The following UTS2B variants were observed in gnomAD, a reference collection of about 807,000 sequenced individuals.
UTS2B encodes the protein urotensin-2B.
A neutral mutation model predicts 19.2 loss-of-function variants in UTS2B; 21 were observed. That is an observed-to-expected ratio of 1.09 (90% CI 0.78 to 1.58). The LOEUF is 1.58. Ranked by LOEUF, UTS2B falls within the 40% of genes most tolerant of loss-of-function variation. UTS2B has a pLI of 0.00. For missense variants in UTS2B, 138 were observed against 130.3 expected, an observed-to-expected ratio of 1.06 and a Z score of -0.29; for synonymous variants, 57 against 50.2, an observed-to-expected ratio of 1.14 and a Z score of -0.58.
At chr3:191,301,576 G>T (rs376018356) in intron 4 of UTS2B, among the ~76,000 whole-genome samples, 1 of 139,684 alleles carries the variant, frequency 7.2e-6, no homozygotes, top group Non-Finnish European at 1.5e-5. Flanking sequence ...AAGCTCCGCC[G>T]CCTGGGTTCA....
intron 2 of UTS2B, among the ~76,000 whole-genome samples, chr3:191,316,990 G>C (rs1159239527): frequency 6.6e-6 from 1 of 152,258 alleles, no homozygotes; most frequent in African/African-American, 2.4e-5. Flanking sequence ...GGAGCCTCCC[G>C]TTAGTCCCGC....
the UTS2B span, among the ~76,000 whole-genome samples, chr3:191,336,237 C>A: frequency 6.6e-6 from 1 of 151,406 alleles, no homozygotes; most frequent in Admixed American, 6.6e-5. Context: ...AATTGTCAAA[C>A]TGTTTTTCAA....
intron 4 of UTS2B, among the ~76,000 whole-genome samples, chr3:191,300,544 G>C (rs1716970378): frequency 6.6e-6 from 1 of 152,196 alleles, no homozygotes. Flanking sequence ...AAGACTTGGG[G>C]GACTGCTGAG....
chr3:191,344,265 C>T, the UTS2B span, among the ~76,000 whole-genome samples: 1 of 152,140 alleles, frequency 6.6e-6, no homozygotes, highest in East Asian at 1.9e-4. Flanking sequence ...CATACCGTCA[C>T]GTTGTGATTA....
In UTS2B at chr3:191,311,248, T is replaced by C. The variant is rs558605160; in HGVS notation, c.-182+4788A>G. Among the ~76,000 whole-genome samples the C allele has an allele frequency of 2.6e-5, 4 of 152,354 alleles. No individual in the cohort carries two copies. In the East Asian group the frequency reaches 5.8e-4, roughly 22 times the overall value. On this transcript the variant is annotated intron_variant, in intron 3 of 8. Transcript: ENST00000340524. Reference sequence around the variant, plus strand: ...GTCTTTTAATATCACCTAGGAAATGTTGCCTTGTCAAATGGTTACAGGTTT... The same window carrying C: ...GTCTTTTAATATCACCTAGGAAATGCTGCCTTGTCAAATGGTTACAGGTTT...
chr3:191,326,764 G>A (rs778373747), intron 2 of UTS2B, among the ~76,000 whole-genome samples: 4 of 152,188 alleles, frequency 2.6e-5, no homozygotes, highest in Admixed American at 6.5e-5. Context: ...GCTCTTCCCC[G>A]TGTTACTGTC....
At chr3:191,276,228 A>T (rs574316504) in intron 7 of UTS2B, among the ~76,000 whole-genome samples, 16 of 152,270 alleles carry the variant, frequency 1.1e-4, no homozygotes, top group African/African-American at 3.6e-4. Flanking sequence ...CTTTATCTCC[A>T]TGTTGGTGCT....
At chr3:191,306,022 C>A (rs1470635297) in intron 3 of UTS2B, among the ~76,000 whole-genome samples, 1 of 152,064 alleles carries the variant, frequency 6.6e-6, no homozygotes, top group Non-Finnish European at 1.5e-5. Flanking sequence ...TTCCATTGGT[C>A]TATGTGTCTG....
intron 4 of UTS2B, among the ~76,000 whole-genome samples, chr3:191,299,257 C>T (rs749580465): frequency 2.0e-5 from 3 of 152,196 alleles, no homozygotes; most frequent in Non-Finnish European, 4.4e-5. Flanking sequence ...ATAGCCAAGA[C>T]AGTAAGAAAA....
chr3:191,319,867 C>CAA (rs535836438), intron 2 of UTS2B, among the ~76,000 whole-genome samples: 1 of 72,980 alleles, frequency 1.4e-5, no homozygotes. Flanking sequence ...GACTTGGTCT[C>CAA]AAAAAAAAAA....
In UTS2B at chr3:191,279,524, C is replaced by A. The variant is rs148936756; in HGVS notation, c.104-1354G>T. On this transcript the variant is annotated intron_variant, in intron 5 of 8. Transcript: ENST00000340524. ...ACAACTATGGTAAGAGAAACAGATC[C>A]ATTACCTTCAATTTAGAAAATGTAT... Among the ~76,000 whole-genome samples the A allele has an allele frequency of 5.9e-5, 9 of 151,960 alleles. No individual in the cohort carries two copies. The East Asian group carries it at 1.4e-3, about 23-fold the overall frequency.
chr3:191,286,616 A>G (rs1022662270), intron 4 of UTS2B, among the ~76,000 whole-genome samples: 1 of 152,130 alleles, frequency 6.6e-6, no homozygotes, highest in Non-Finnish European at 1.5e-5. Context: ...ATACAGCAAA[A>G]GTAGTTAAAA....
At chr3:191,272,874 A>AG (rs2108567275) in intron 8 of UTS2B, among the ~76,000 whole-genome samples, 1 of 146,422 alleles carries the variant, frequency 6.8e-6, no homozygotes, top group Non-Finnish European at 1.5e-5. Context: ...AAAAAAAAAA[A>AG]AAAAAATGGG....
chr3:191,281,291 T>C (rs1021689160), intron 5 of UTS2B, among the ~76,000 whole-genome samples: 1 of 152,168 alleles, frequency 6.6e-6, no homozygotes, highest in Non-Finnish European at 1.5e-5. Context: ...TTAGAGAACA[T>C]TACTTTAAGT....
At chr3:191,304,065 G>A (rs796614349) in intron 4 of UTS2B, among the ~76,000 whole-genome samples, 7 of 152,160 alleles carry the variant, frequency 4.6e-5, no homozygotes, top group African/African-American at 1.7e-4. Flanking sequence ...CGCCTCCTGG[G>A]CTCAAGAGAT....
chr3:191,268,572 T>G, intron 8 of UTS2B, 131 bp from the exon 9 acceptor site: 3 of 571,904 alleles, frequency 5.2e-6, no homozygotes, highest in Non-Finnish European at 9.4e-6. Flanking sequence ...TTGTAGCTAC[T>G]AGCCTCATGT....
chr3:191,272,855 C>T (rs1302817937), intron 8 of UTS2B, among the ~76,000 whole-genome samples: 9 of 134,284 alleles, frequency 6.7e-5, no homozygotes, highest in African/African-American at 2.2e-4. Context: ...AAGAGCAAAA[C>T]TCCGTCTAAA....
At chr3:191,299,536 C>G (rs545472420) in intron 4 of UTS2B, among the ~76,000 whole-genome samples, 1 of 152,254 alleles carries the variant, frequency 6.6e-6, no homozygotes. Context: ...GCACAGAGTG[C>G]AAGAGTTGGG....
intron 2 of UTS2B, among the ~76,000 whole-genome samples, chr3:191,320,097 T>C (rs1717574987): frequency 6.6e-6 from 1 of 152,030 alleles, no homozygotes; most frequent in Non-Finnish European, 1.5e-5. Flanking sequence ...TGTGGTAGAT[T>C]GGACAGACAT....
Sources: allele counts gnomAD v4.1 joint callset (sites outside exome capture counted in the v4.1 genomes callset), GRCh38; gene constraint gnomAD v4.1.1; transcripts MANE v1.5; gene names NCBI Gene and HGNC (gene_info 2026-07-23, HGNC 2026-07-21).